TMEM35A: variants seen among roughly 807,000 people sequenced by gnomAD.
The protein encoded by TMEM35A is nicotinic acetylcholine receptor chaperone.
For missense variants in TMEM35A, 83 were observed against 132.7 expected (o/e 0.63, Z 1.84); for synonymous variants, 50 against 54.7 (o/e 0.91, Z 0.38).
chrX:101,090,464 G>A (rs897856186), intron 1 of TMEM35A, among the ~76,000 whole-genome samples: 2 of 108,503 alleles, frequency 1.8e-5, no homozygotes, highest in South Asian at 4.0e-4. Context: ...CATCACGTCC[G>A]GCCTCTCTTT....
rs188878278 is a variant in TMEM35A at position 101,095,724 on chromosome X, C to A, written c.*768C>A. 13 of 111,429 alleles carry A rather than the reference C, an allele frequency of 1.2e-4. No homozygotes were observed. In the Admixed American group the frequency reaches 1.3e-3, roughly 11 times the overall value. 9.2% of individuals were successfully genotyped at this position (111,429 alleles called of 1,213,427 possible). On this transcript the variant is annotated 3_prime_UTR_variant, in exon 2 of 2. Transcript: ENST00000372930. ...AGTTTCACCTTGCCTTTGTCCAAGC[C>A]CCACCTATTAAAACCCTTTACTCAC...
At chrX:101,080,886 C>T (rs185854413) in intron 1 of TMEM35A, among the ~76,000 whole-genome samples, 1 of 110,025 alleles carries the variant, frequency 9.1e-6, no homozygotes, top group Non-Finnish European at 1.9e-5. Flanking sequence ...AGAGGCCCCC[C>T]CAAGCTGCAC....
intron 1 of TMEM35A, among the ~76,000 whole-genome samples, chrX:101,085,470 G>A (rs1045183161): frequency 2.7e-5 from 3 of 110,662 alleles, no homozygotes; most frequent in Non-Finnish European, 5.7e-5. Context: ...GTGCGTCAGC[G>A]GGCGTCTGTA....
At chrX:101,080,438 C>T (rs1013900547) in intron 1 of TMEM35A, among the ~76,000 whole-genome samples, 4 of 111,817 alleles carry the variant, frequency 3.6e-5, no homozygotes, top group Admixed American at 9.5e-5. Context: ...CGCAGGATCA[C>T]CCTAGGGTTG....
chrX:101,085,254 A>T (rs1010346887), intron 1 of TMEM35A, among the ~76,000 whole-genome samples: 1 of 111,552 alleles, frequency 9.0e-6, no homozygotes, highest in Non-Finnish European at 1.9e-5. Flanking sequence ...GAGATCATGG[A>T]TCCTGCTGTG....
At chrX:101,082,140 T>TCC (rs2089294419) in intron 1 of TMEM35A, among the ~76,000 whole-genome samples, 1 of 93,754 alleles carries the variant, frequency 1.1e-5, no homozygotes, top group African/African-American at 4.2e-5. Flanking sequence ...TTTCTTTTTT[T>TCC]TTTTTTTTTT....
intron 1 of TMEM35A, 140 bp downstream of exon 1, chrX:101,079,262 G>A (rs1042440403): frequency 5.7e-5 from 43 of 753,146 alleles, no homozygotes; most frequent in Non-Finnish European, 7.9e-5. Flanking sequence ...CAACTTTGCA[G>A]CTCGGAAGGA....
At position 101,091,137 on chromosome X, in the gene TMEM35A, G is replaced by A. The variant is rs746102560; in HGVS notation, c.121-3436G>A. 6.4e-5 allele frequency among the ~76,000 whole-genome samples: 7 copies of A among 110,169 alleles called. No individual in the cohort carries two copies. In the East Asian group the frequency reaches 1.7e-3, roughly 27 times the overall value. Reference sequence around the variant, plus strand: ...ATTACAGGCGTGAGACACTGCACCCGGCCAGATTTTGCTTTCAAAGCATTC... The same window carrying A: ...ATTACAGGCGTGAGACACTGCACCCAGCCAGATTTTGCTTTCAAAGCATTC... On this transcript the variant is annotated intron_variant, in intron 1 of 1. Coordinates refer to ENST00000372930, the MANE Select transcript of TMEM35A (RefSeq NM_021637.3).
At chrX:101,082,237 T>C (rs1405731076) in intron 1 of TMEM35A, among the ~76,000 whole-genome samples, 2 of 101,624 alleles carry the variant, frequency 2.0e-5, no homozygotes, top group Non-Finnish European at 4.0e-5. Context: ...GGGAGAATCA[T>C]TGCTAAAAAA....
At position 101,094,598 on chromosome X, in the gene TMEM35A, G is replaced by A. The variant is rs754714450; in HGVS notation, c.146G>A (p.Arg49Gln). 1.7e-6 allele frequency: 2 copies of A among 1,208,133 alleles called. No homozygotes were observed. Among genetic ancestry groups the A allele is most frequent in the East Asian group, 3.0e-5 (1 of 33,788 alleles). ...EMKRAYKSYV[R>Q]ALPLLKKMGI... The stretch of plus-strand genomic sequence containing the variant: ...AAACGTGCTTACAAGAGCTATGTTC[G>A]AGCCCTCCCTCTGCTGAAGAAAATG... Residue 49 changes from arginine (R) to glutamine (Q), a missense_variant, in exon 2 of 2, where the codon CGA becomes CAA. Arg to Gln is a conservative substitution (Grantham distance 43). Coordinates refer to ENST00000372930, the MANE Select transcript of TMEM35A (RefSeq NM_021637.3).
intron 1 of TMEM35A, among the ~76,000 whole-genome samples, chrX:101,080,428 C>G (rs759396748): frequency 9.0e-6 from 1 of 111,726 alleles, no homozygotes; most frequent in African/African-American, 3.3e-5. Context: ...TCTTCCTCAC[C>G]GCAGGATCAC....
intron 1 of TMEM35A, among the ~76,000 whole-genome samples, chrX:101,085,526 G>T (rs369053558): frequency 1.8e-5 from 2 of 110,916 alleles, no homozygotes; most frequent in African/African-American, 6.6e-5. Flanking sequence ...GCTTGAACCC[G>T]GGAGGTGGAG....
At chrX:101,086,562 G>A (rs2089307832) in intron 1 of TMEM35A, among the ~76,000 whole-genome samples, 1 of 112,270 alleles carries the variant, frequency 8.9e-6, no homozygotes, top group Non-Finnish European at 1.9e-5. Context: ...AAAATACTTA[G>A]TAATTTTCTC....
rs2089284281 is a variant in TMEM35A, at chrX:101,079,138, G to T, written c.120+16G>T. 3 of 1,207,351 alleles carry T rather than the reference G, an allele frequency of 2.5e-6. No individual in the cohort carries two copies. In the African/African-American group the frequency reaches 5.3e-5, roughly 21 times the overall value. On this transcript the variant is annotated intron_variant, in intron 1 of 1. Transcript: ENST00000372930. Reference sequence around the variant, plus strand: ...CAGTGAGATGGTAAGTGAAGCAAACGGGTGATGAGGAGCGCACTCCCATGG... The same window carrying T: ...CAGTGAGATGGTAAGTGAAGCAAACTGGTGATGAGGAGCGCACTCCCATGG...
In TMEM35A at chrX:101,095,308, T is replaced by C. The variant is rs867202582; in HGVS notation, c.*352T>C. The C allele has an allele frequency of 2.0e-4, 19 of 93,994 alleles. No individual in the cohort carries two copies. The highest frequency in any genetic ancestry group is 3.6e-4 in the Non-Finnish European group (19 of 53,028). 7.7% of individuals were successfully genotyped at this position (93,994 alleles called of 1,213,427 possible). A position where few individuals can be genotyped will look rare whatever the true frequency, so the allele number is the denominator to read the frequency against. On this transcript the variant is annotated 3_prime_UTR_variant, in exon 2 of 2. Transcript: ENST00000372930. ...TACTCTGTGTGTGTGTGTGTGTGTG[T>C]GTGCGCGCGCGCGCGCACGCGCACA...
In TMEM35A at chrX:101,091,008, T is replaced by G. The variant is rs1031435962; in HGVS notation, c.121-3565T>G. 1.6e-4 allele frequency among the ~76,000 whole-genome samples: 18 copies of G among 110,632 alleles called. No individual in the cohort carries two copies. The South Asian group carries it at 1.9e-3, about 12-fold the overall frequency. On this transcript the variant is annotated intron_variant, in intron 1 of 1. Coordinates refer to ENST00000372930, the MANE Select transcript of TMEM35A (RefSeq NM_021637.3). ...ATGTGCCACCACGCCTGGGTAATTT[T>G]TTTTGTATTTTTAGTAGAGACGGAG...
intron 1 of TMEM35A, among the ~76,000 whole-genome samples, chrX:101,082,765 C>T (rs955841118): frequency 1.4e-4 from 15 of 110,209 alleles, no homozygotes; most frequent in African/African-American, 3.6e-4. Context: ...CTGCCTCAGC[C>T]TCCGGAGTAG....
chrX:101,090,230 GAA>G (rs775931516), intron 1 of TMEM35A, among the ~76,000 whole-genome samples: 1 of 105,523 alleles, frequency 9.5e-6, no homozygotes, highest in South Asian at 4.1e-4. Flanking sequence ...TTGACTCACT[GAA>G]ACCTCTGCCT....
At position 101,095,003 on chromosome X, in the gene TMEM35A, G is replaced by A; in HGVS notation, c.*47G>A. ...GGACCTTCCAGGCAGTTGCGTCCAT[G>A]ACACCAGGAAGATGTCAGTGTGTGT... On this transcript the variant is annotated 3_prime_UTR_variant, in exon 2 of 2. Transcript: ENST00000372930. 3 of 1,105,774 alleles carry A rather than the reference G, an allele frequency of 2.7e-6. No homozygotes were observed. The highest frequency in any genetic ancestry group is 3.6e-6 in the Non-Finnish European group (3 of 839,035). 91.1% of individuals were successfully genotyped at this position (1,105,774 alleles called of 1,213,427 possible).
Sources: allele counts gnomAD v4.1 joint callset (sites outside exome capture counted in the v4.1 genomes callset), GRCh38; gene constraint gnomAD v4.1.1; transcripts MANE v1.5; gene names NCBI Gene and HGNC (gene_info 2026-07-23, HGNC 2026-07-21).